The following DUSP23 variants were observed in gnomAD, a reference collection of about 807,000 sequenced individuals.
DUSP23 encodes dual specificity protein phosphatase 23.
DUSP23 carries 10 observed loss-of-function variants against 13.3 expected under a neutral mutation model. That is an observed-to-expected ratio of 0.75 (90% CI 0.46 to 1.27). The LOEUF is 1.27. DUSP23 is among the 50% of genes most tolerant of loss of function. DUSP23 has a pLI of 0.00. For synonymous variants in DUSP23, 107 were observed against 95.3 expected (o/e 1.12, Z -0.72); for missense variants, 228 against 204.8 (o/e 1.11, Z -0.69).
intron 1 of DUSP23, among the ~76,000 whole-genome samples, chr1:159,781,724 C>T (rs760125984): frequency 5.3e-5 from 8 of 152,164 alleles, no homozygotes; most frequent in Non-Finnish European, 1.0e-4. Flanking sequence ...ACCTAAGTGG[C>T]TCCATGTAAT....
rs1204080874 is a variant in DUSP23, at chr1:159,781,310, C to G, written c.210C>G (p.Ala70=). ...RLRIPDFCPP[A]PDQIDRFVQI... ...GCATCCCCGACTTCTGCCCGCCGGC[C>G]CCCGACCAGATCGACCGCTTCGTGC... Residue 70 remains alanine, a synonymous_variant, in exon 1 of 2, where the codon GCC becomes GCG. Transcript: ENST00000368107. 6.5e-7 allele frequency: 1 copy of G among 1,546,212 alleles called. No individual in the cohort carries two copies. Among genetic ancestry groups the G allele is most frequent in the African/African-American group, 1.4e-5 (1 of 72,878 alleles).
In DUSP23 at chr1:159,782,328, G is replaced by A. The variant is rs756864682; in HGVS notation, c.443G>A (p.Arg148Gln). 7 of 1,613,480 alleles carry A rather than the reference G, an allele frequency of 4.3e-6. No individual in the cohort carries two copies. The highest frequency in any genetic ancestry group is 2.5e-6 in the Non-Finnish European group (3 of 1,179,936). ...AAAGCAGTCTTCCAGTTCTACCAGC[G>A]AACGAAATAAGGGGCCTTAGTACCC... ...QEKAVFQFYQRTK is the reference protein window; with the variant it reads ...QEKAVFQFYQQTK Residue 148 changes from arginine (R) to glutamine (Q), a missense_variant, in exon 2 of 2, where the codon CGA becomes CAA. By Grantham distance (43) the Arg-to-Gln change is conservative. Transcript: ENST00000368107.
At chr1:159,782,066 A>C in intron 1 of DUSP23, 87 bp from the exon 2 acceptor site, 2 of 1,480,620 alleles carry the variant, frequency 1.4e-6, no homozygotes, top group Non-Finnish European at 1.8e-6. Context: ...GCACAGAAGA[A>C]GGAGCTGTGG....
Position 159,781,304 on chromosome 1 carries a change from GC to G in DUSP23, c.206del (p.Pro69ArgfsTer43). On this transcript the variant is annotated frameshift_variant, in exon 1 of 2. Transcript: ENST00000368107. LOFTEE classifies it high-confidence loss of function. ...GCCTGCGCATCCCCGACTTCTGCCC[GC>G]CGGCCCCCGACCAGATCGACCGCTT... ...HRLRIPDFCP[P>X]APDQIDRFVQ... 1 of 1,546,468 alleles carries G rather than the reference GC, an allele frequency of 6.5e-7. No individual in the cohort carries two copies. Among genetic ancestry groups the G allele is most frequent in the Admixed American group, 2.0e-5 (1 of 50,820 alleles).
At position 159,781,300 on chromosome 1, in the gene DUSP23, G is replaced by T. The variant is rs1661861428; in HGVS notation, c.200G>T (p.Cys67Phe). 8 of 1,546,616 alleles carry T rather than the reference G, an allele frequency of 5.2e-6. No homozygotes were observed. The highest frequency in any genetic ancestry group is 7.0e-6 in the Non-Finnish European group (8 of 1,145,472). Reference sequence around the variant, plus strand: ...CACCGCCTGCGCATCCCCGACTTCTGCCCGCCGGCCCCCGACCAGATCGAC... The same window carrying T: ...CACCGCCTGCGCATCCCCGACTTCTTCCCGCCGGCCCCCGACCAGATCGAC... Reference protein sequence around the residue: ...TLHRLRIPDFCPPAPDQIDRF... With the variant: ...TLHRLRIPDFFPPAPDQIDRF... The change falls in exon 1 of 2, where the codon TGC (cysteine) becomes TTC (phenylalanine). Residue 67 changes from cysteine (C) to phenylalanine (F), a missense_variant. Physicochemically the swap from Cys to Phe is radical, Grantham distance 205. Coordinates refer to ENST00000368107, the MANE Select transcript of DUSP23 (RefSeq NM_001319658.2).
At chr1:159,782,060 A>C in intron 1 of DUSP23, 93 bp from the exon 2 acceptor site, 1 of 1,455,566 alleles carries the variant, frequency 6.9e-7, no homozygotes, top group Non-Finnish European at 9.3e-7. Flanking sequence ...GACCTGGCAC[A>C]GAAGAAGGAG....
At chr1:159,781,626 G>A (rs1661874875) in intron 1 of DUSP23, among the ~76,000 whole-genome samples, 1 of 152,186 alleles carries the variant, frequency 6.6e-6, no homozygotes, top group Non-Finnish European at 1.5e-5. Flanking sequence ...GGAGAAGGGT[G>A]TGGACAGACA....
Position 159,782,456 on chromosome 1 carries a change from C to T in DUSP23, c.*118C>T. 8.1e-7 allele frequency: 1 copy of T among 1,238,400 alleles called. No homozygotes were observed. Among genetic ancestry groups the T allele is most frequent in the Non-Finnish European group, 1.1e-6 (1 of 895,204 alleles). 76.7% of individuals were successfully genotyped at this position (1,238,400 alleles called of 1,614,324 possible). On this transcript the variant is annotated 3_prime_UTR_variant, in exon 2 of 2. Transcript: ENST00000368107. ...CCCTCTAGCTCCCATTGGCTGAAGACACTGAAGTAGCCCACCCCTGCAGGC... is the reference window on the plus strand; with the variant it reads ...CCCTCTAGCTCCCATTGGCTGAAGATACTGAAGTAGCCCACCCCTGCAGGC...
intron 1 of DUSP23, 40 bp from the exon 2 acceptor site, chr1:159,782,113 G>A: frequency 1.9e-6 from 3 of 1,604,290 alleles, no homozygotes; most frequent in Non-Finnish European, 2.6e-6. Flanking sequence ...AGTTGTGGGT[G>A]GGGGAGTTGA....
At position 159,781,171 on chromosome 1, in the gene DUSP23, TC is replaced by T; in HGVS notation, c.75del (p.Ala26ProfsTer17). The T allele has an allele frequency of 6.5e-7, 1 of 1,549,028 alleles. No homozygotes were observed. The highest frequency in any genetic ancestry group is 8.7e-7 in the Non-Finnish European group (1 of 1,146,500). On this transcript the variant is annotated frameshift_variant, in exon 1 of 2. Coordinates refer to ENST00000368107, the MANE Select transcript of DUSP23 (RefSeq NM_001319658.2). LOFTEE classifies it high-confidence loss of function. ...GRLAGLALPR[L>X]PAHYQFLLDL... The stretch of plus-strand genomic sequence containing the variant: ...CTGGCGGGACTGGCGCTGCCGCGGC[TC>T]CCCGCCCACTACCAGTTCCTGTTGG...
At position 159,782,175 on chromosome 1, in the gene DUSP23, T is replaced by C. The variant is rs1362523716; in HGVS notation, c.290T>C (p.Leu97Pro). 6.2e-7 allele frequency: 1 copy of C among 1,614,174 alleles called. No homozygotes were observed. The highest frequency in any genetic ancestry group is 2.2e-5 in the East Asian group (1 of 44,886). The change falls in exon 2 of 2, where the codon CTG becomes CCG. Residue 97 changes from leucine to proline, a missense_variant. Coordinates refer to ENST00000368107, the MANE Select transcript of DUSP23 (RefSeq NM_001319658.2). The stretch of plus-strand genomic sequence containing the variant: ...TAGGCTGTGGGAGTGCACTGTGCTC[T>C]GGGCTTTGGCCGCACTGGCACCATG... ...RGEAVGVHCALGFGRTGTMLA... is the reference protein window; with the variant it reads ...RGEAVGVHCAPGFGRTGTMLA...
rs966516898 is a variant in DUSP23, at chr1:159,781,014, C to G, written c.-87C>G. 7.0e-7 allele frequency: 1 copy of G among 1,436,188 alleles called. No individual in the cohort carries two copies. The highest frequency in any genetic ancestry group is 1.5e-5 in the African/African-American group (1 of 67,868). 89.0% of individuals were successfully genotyped at this position (1,436,188 alleles called of 1,614,324 possible). A position where few individuals can be genotyped will look rare whatever the true frequency, so the allele number is the denominator to read the frequency against. ...GCCAGGTAGGTGGTGAGTTACTTGGCTCGGAGCGGGCGAGGGGACGCGTGG... is the reference window on the plus strand; with the variant it reads ...GCCAGGTAGGTGGTGAGTTACTTGGGTCGGAGCGGGCGAGGGGACGCGTGG... On this transcript the variant is annotated 5_prime_UTR_variant, in exon 1 of 2. Transcript: ENST00000368107.
chr1:159,782,536 G>A lies in DUSP23; in HGVS notation c.*198G>A, dbSNP rs1325389717. The A allele has an allele frequency of 6.5e-6, 4 of 612,556 alleles. No individual in the cohort carries two copies. The highest frequency in any genetic ancestry group is 2.8e-5 in the East Asian group (1 of 35,306). 37.9% of individuals were successfully genotyped at this position (612,556 alleles called of 1,614,324 possible). A position where few individuals can be genotyped will look rare whatever the true frequency, so the allele number is the denominator to read the frequency against. On this transcript the variant is annotated 3_prime_UTR_variant, in exon 2 of 2. Coordinates refer to ENST00000368107, the MANE Select transcript of DUSP23 (RefSeq NM_001319658.2). ...GCTTTGTTGAATAAATGAGTTTTAC[G>A]AACCAGGGCACGTTGCATGGTACTT...
chr1:159,780,995 T>A lies in DUSP23; in HGVS notation c.-106T>A. The A allele has an allele frequency of 7.3e-7, 1 of 1,366,624 alleles. No homozygotes were observed. The highest frequency in any genetic ancestry group is 9.6e-7 in the Non-Finnish European group (1 of 1,041,254). The allele number at this position is 1,366,624 out of a possible 1,614,324, so 84.7% of individuals were successfully genotyped here. A position where few individuals can be genotyped will look rare whatever the true frequency, so the allele number is the denominator to read the frequency against. ...TGGCCCGGGAGGCGCCGAGGCCAGG[T>A]AGGTGGTGAGTTACTTGGCTCGGAG... On this transcript the variant is annotated 5_prime_UTR_variant, in exon 1 of 2. Transcript: ENST00000368107.
At position 159,781,349 on chromosome 1, in the gene DUSP23, G is replaced by A. The variant is rs1486513363; in HGVS notation, c.249G>A (p.Glu83=). 1 of 1,528,150 alleles carries A rather than the reference G, an allele frequency of 6.5e-7. No homozygotes were observed. Among genetic ancestry groups the A allele is most frequent in the Non-Finnish European group, 8.8e-7 (1 of 1,135,622 alleles). 94.7% of individuals were successfully genotyped at this position (1,528,150 alleles called of 1,614,324 possible). A position where few individuals can be genotyped will look rare whatever the true frequency, so the allele number is the denominator to read the frequency against. Reference sequence around the variant, plus strand: ...ACCGCTTCGTGCAGATCGTGGACGAGGCCAACGCACGGGGAGAGGTCAGCG... The same window carrying A: ...ACCGCTTCGTGCAGATCGTGGACGAAGCCAACGCACGGGGAGAGGTCAGCG... The part of the protein sequence containing the change: ...QIDRFVQIVD[E]ANARGEAVGV... Residue 83 remains glutamate (E), a synonymous_variant, in exon 1 of 2, where the codon GAG becomes GAA. Coordinates refer to ENST00000368107, the MANE Select transcript of DUSP23 (RefSeq NM_001319658.2).
At position 159,781,358 on chromosome 1, in the gene DUSP23, A is replaced by C. The variant is rs571901654; in HGVS notation, c.258A>C (p.Ala86=). The change falls in exon 1 of 2, where the codon GCA becomes GCC. Residue 86 remains alanine, a synonymous_variant. Transcript: ENST00000368107. ...RFVQIVDEAN[A]RGEAVGVHCA... The stretch of plus-strand genomic sequence containing the variant: ...TGCAGATCGTGGACGAGGCCAACGC[A>C]CGGGGAGAGGTCAGCGGGCGGGGTC... 2.8e-5 allele frequency: 43 copies of C among 1,518,774 alleles called. No homozygotes were observed. The highest frequency in any genetic ancestry group is 3.6e-5 in the Non-Finnish European group (41 of 1,130,518). The allele number at this position is 1,518,774 out of a possible 1,614,324, so 94.1% of individuals were successfully genotyped here. A position where few individuals can be genotyped will look rare whatever the true frequency, so the allele number is the denominator to read the frequency against.
In DUSP23 at chr1:159,782,142, C is replaced by A; in HGVS notation, c.268-11C>A. The A allele has an allele frequency of 6.2e-7, 1 of 1,612,650 alleles. No individual in the cohort carries two copies. Among genetic ancestry groups the A allele is most frequent in the Middle Eastern group, 1.7e-4 (1 of 6,052 alleles). On this transcript the variant is annotated splice_polypyrimidine_tract_variant and intron_variant, in intron 1 of 1. Transcript: ENST00000368107. ...GAGTTGAGTGGCACCCATCGAGCCC[C>A]CTCTTCGTAGGCTGTGGGAGTGCAC...
At position 159,781,218 on chromosome 1, in the gene DUSP23, G is replaced by A. The variant is rs932395716; in HGVS notation, c.118G>A (p.Val40Met). Residue 40 changes from valine (V) to methionine (M), a missense_variant, in exon 1 of 2, where the codon GTG becomes ATG. Val to Met is a conservative substitution (Grantham distance 21). Coordinates refer to ENST00000368107, the MANE Select transcript of DUSP23 (RefSeq NM_001319658.2). ...GTTGGACCTGGGCGTGCGGCACCTG[G>A]TGTCCCTGACGGAGCGCGGGCCCCC... ...FLLDLGVRHL[V>M]SLTERGPPHS... is the part of the protein sequence containing the mutation. 1.3e-6 allele frequency: 2 copies of A among 1,549,498 alleles called. No individual in the cohort carries two copies. Among genetic ancestry groups the A allele is most frequent in the South Asian group, 1.2e-5 (1 of 83,986 alleles).
rs759386709 is a variant in DUSP23, at chr1:159,782,300, G to A, written c.415G>A (p.Glu139Lys). The A allele has an allele frequency of 1.1e-5, 18 of 1,614,100 alleles. No homozygotes were observed. Among genetic ancestry groups the A allele is most frequent in the Non-Finnish European group, 1.5e-5 (18 of 1,180,020 alleles). The change falls in exon 2 of 2, where the codon GAG becomes AAG. Residue 139 changes from glutamate to lysine, a missense_variant. Coordinates refer to ENST00000368107, the MANE Select transcript of DUSP23 (RefSeq NM_001319658.2). ...CGGCTCCATCGAGACCTATGAGCAG[G>A]AGAAAGCAGTCTTCCAGTTCTACCA... ...RPGSIETYEQ[E>K]KAVFQFYQRT... is the part of the protein sequence containing the mutation.
Sources: allele counts gnomAD v4.1 joint callset (sites outside exome capture counted in the v4.1 genomes callset), GRCh38; gene constraint gnomAD v4.1.1; transcripts MANE v1.5; gene names NCBI Gene and HGNC (gene_info 2026-07-23, HGNC 2026-07-21).